LINGO2: variants seen among roughly 807,000 people sequenced by gnomAD.
LINGO2 encodes the protein leucine rich repeat and Ig domain containing 2.
LINGO2 carries 14 observed loss-of-function variants against 30.6 expected under a neutral mutation model. That is an observed-to-expected ratio of 0.46 (90% CI 0.30 to 0.72). The LOEUF (loss-of-function observed/expected upper bound fraction) is 0.72. Ranked by LOEUF, LINGO2 falls within the 30% of genes least tolerant of loss-of-function variation. LINGO2 has a pLI of 0.07. For missense variants in LINGO2, 729 were observed against 751.7 expected, an observed-to-expected ratio of 0.97 and a Z score of 0.35; for synonymous variants, 317 against 288.5, an observed-to-expected ratio of 1.10 and a Z score of -1.00.
chr9:28,614,836 T>C (rs554153221), intron 1 of LINGO2, among the ~76,000 whole-genome samples: 1 of 152,052 alleles, frequency 6.6e-6, no homozygotes, highest in Non-Finnish European at 1.5e-5. Flanking sequence ...CAGTCAGGGT[T>C]TTAACTCCTC....
chr9:28,299,260 C>A (rs978969390), intron 3 of LINGO2, among the ~76,000 whole-genome samples: 4 of 152,012 alleles, frequency 2.6e-5, no homozygotes, highest in African/African-American at 9.7e-5. Flanking sequence ...AGCTTTGTGT[C>A]TAAGTCACTC....
At chr9:29,200,446 C>T in the LINGO2 span, among the ~76,000 whole-genome samples, 3 of 151,926 alleles carry the variant, frequency 2.0e-5, no homozygotes, top group South Asian at 2.1e-4. Context: ...AGAAGAAAAT[C>T]GGATATGCAT....
chr9:28,475,290 A>C (rs1223356270), intron 2 of LINGO2, among the ~76,000 whole-genome samples: 1 of 152,188 alleles, frequency 6.6e-6, no homozygotes, highest in East Asian at 1.9e-4. Context: ...CAGCTAAAAG[A>C]AGCCTGGCAT....
the LINGO2 span, among the ~76,000 whole-genome samples, chr9:28,859,897 G>C: frequency 6.6e-6 from 1 of 151,758 alleles, no homozygotes; most frequent in African/African-American, 2.4e-5. Flanking sequence ...TATTTTAAAA[G>C]GATGCATTTA....
chr9:28,082,728 T>A (rs1166339843), intron 4 of LINGO2, among the ~76,000 whole-genome samples: 1 of 152,106 alleles, frequency 6.6e-6, no homozygotes, highest in Non-Finnish European at 1.5e-5. Context: ...AAGAACATGT[T>A]CTCTCTCTCA....
chr9:28,790,504 AT>A, the LINGO2 span, among the ~76,000 whole-genome samples: 80 of 140,796 alleles, frequency 5.7e-4, no homozygotes, highest in Admixed American at 4.3e-4. Context: ...AATTTTTTGT[AT>A]TTTTTTTTTT....
chr9:29,210,358 G>C, the LINGO2 span, among the ~76,000 whole-genome samples: 1 of 152,104 alleles, frequency 6.6e-6, no homozygotes, highest in Non-Finnish European at 1.5e-5. Flanking sequence ...TTTGGTTTTA[G>C]AGGTGTCTTT....
chr9:28,611,590 C>T (rs1020047507), intron 1 of LINGO2, among the ~76,000 whole-genome samples: 1 of 152,112 alleles, frequency 6.6e-6, no homozygotes, highest in Admixed American at 6.5e-5. Context: ...CTTTCTGCTT[C>T]TACAAACTCA....
chr9:28,863,542 C>G, the LINGO2 span: 2 of 476,344 alleles, frequency 4.2e-6, no homozygotes, highest in South Asian at 3.1e-5. Flanking sequence ...CTTTGTGTGT[C>G]TTGTAATACA....
At chr9:28,619,543 A>G (rs1826297919) in intron 1 of LINGO2, among the ~76,000 whole-genome samples, 1 of 152,190 alleles carries the variant, frequency 6.6e-6, no homozygotes, top group African/African-American at 2.4e-5. Flanking sequence ...CTGATATTCA[A>G]TTAATAGTAC....
intron 1 of LINGO2, among the ~76,000 whole-genome samples, chr9:28,549,278 T>C (rs1822141284): frequency 6.6e-6 from 1 of 152,146 alleles, no homozygotes; most frequent in South Asian, 2.1e-4. Context: ...ACAACATATT[T>C]TTCAGTTTGA....
At chr9:29,084,375 A>G in the LINGO2 span, among the ~76,000 whole-genome samples, 1 of 152,140 alleles carries the variant, frequency 6.6e-6, no homozygotes. Context: ...CAGTAAAAGG[A>G]ACACCTATTC....
the LINGO2 span, among the ~76,000 whole-genome samples, chr9:29,150,721 A>C: frequency 0.25 from 37,789 of 152,022 alleles, 4,881 homozygotes; most frequent in East Asian, 0.44. Context: ...TTTTGATTTA[A>C]CGAACAAAAC....
chr9:29,098,815 A>G, the LINGO2 span, among the ~76,000 whole-genome samples: 1 of 152,158 alleles, frequency 6.6e-6, no homozygotes. Flanking sequence ...TTTCCGTGTT[A>G]AAGTAAGTGT....
intron 4 of LINGO2, among the ~76,000 whole-genome samples, chr9:28,058,381 TCATA>T (rs1324241765): frequency 6.6e-6 from 1 of 152,164 alleles, no homozygotes; most frequent in African/African-American, 2.4e-5. Context: ...ATATGGTCAC[TCATA>T]CATAAGGTAC....
chr9:27,960,840 C>G (rs960627751), intron 5 of LINGO2, among the ~76,000 whole-genome samples: 2 of 151,552 alleles, frequency 1.3e-5, no homozygotes, highest in African/African-American at 2.4e-5. Flanking sequence ...ATTTTTTGTT[C>G]CTGTCTTTTT....
intron 4 of LINGO2, among the ~76,000 whole-genome samples, chr9:28,283,768 C>T (rs1465388883): frequency 6.6e-6 from 1 of 151,878 alleles, no homozygotes; most frequent in Non-Finnish European, 1.5e-5. Flanking sequence ...TGTATTAAGG[C>T]TGTTATTTAA....
chr9:28,804,558 CAAAAACA>C, the LINGO2 span, among the ~76,000 whole-genome samples: 4 of 106,714 alleles, frequency 3.7e-5, no homozygotes, highest in African/African-American at 1.3e-4. Flanking sequence ...AAAACAAAAA[CAAAAACA>C]AAAAAAAAAC....
intron 5 of LINGO2, among the ~76,000 whole-genome samples, chr9:28,003,761 C>A (rs1022519681): frequency 6.6e-6 from 1 of 152,182 alleles, no homozygotes; most frequent in South Asian, 2.1e-4. Flanking sequence ...GCCAGAGGAA[C>A]TTAATCCTTG....
Sources: allele counts gnomAD v4.1 joint callset (sites outside exome capture counted in the v4.1 genomes callset), GRCh38; gene constraint gnomAD v4.1.1; transcripts MANE v1.5; gene names NCBI Gene and HGNC (gene_info 2026-07-23, HGNC 2026-07-21).